The following IL1RAPL1 variants were observed in gnomAD, a reference collection of about 807,000 sequenced individuals.
IL1RAPL1 encodes interleukin 1 receptor accessory protein like 1, also known as interleukin-1 receptor accessory protein-like 1.
IL1RAPL1 carries 3 observed loss-of-function variants against 48.4 expected under a neutral mutation model. The ratio of observed to expected loss-of-function variants is 0.06; its 90% CI spans 0.03 to 0.16. The LOEUF (loss-of-function observed/expected upper bound fraction) is 0.16, where lower values mean the gene tolerates loss of function less well. IL1RAPL1 is among the 10% of genes least tolerant of loss of function. IL1RAPL1 has a pLI of 1.00. For synonymous variants in IL1RAPL1, 185 were observed against 187.7 expected (o/e 0.99, Z 0.12); for missense variants, 349 against 530.6 (o/e 0.66, Z 3.36).
intron 5 of IL1RAPL1, among the ~76,000 whole-genome samples, chrX:29,631,833 C>T (rs1385480905): frequency 9.0e-6 from 1 of 111,028 alleles, no homozygotes; most frequent in Non-Finnish European, 1.9e-5. Flanking sequence ...TTGATTACAG[C>T]TAATTGAATC....
At chrX:29,059,964 T>C (rs775536389) in intron 2 of IL1RAPL1, among the ~76,000 whole-genome samples, 16 of 111,970 alleles carry the variant, frequency 1.4e-4, no homozygotes, top group Non-Finnish European at 2.3e-4. Context: ...TGTGGAAATC[T>C]AGAAATGGTT....
At chrX:29,337,404 G>A (rs1228242940) in intron 3 of IL1RAPL1, among the ~76,000 whole-genome samples, 3 of 111,364 alleles carry the variant, frequency 2.7e-5, no homozygotes, top group African/African-American at 9.8e-5. Context: ...CTAATTTAAA[G>A]GGAAAAAAGA....
At chrX:29,378,984 A>G (rs1933659135) in intron 3 of IL1RAPL1, among the ~76,000 whole-genome samples, 1 of 112,610 alleles carries the variant, frequency 8.9e-6, no homozygotes, top group Non-Finnish European at 1.9e-5. Flanking sequence ...CCAGTCCATG[A>G]ACCCATGTGT....
intron 3 of IL1RAPL1, among the ~76,000 whole-genome samples, chrX:29,321,009 A>G (rs898440375): frequency 1.2e-4 from 13 of 111,155 alleles, no homozygotes; most frequent in African/African-American, 4.3e-4. Context: ...AAACTACATA[A>G]CGTCTGCAAA....
intron 6 of IL1RAPL1, among the ~76,000 whole-genome samples, chrX:29,706,917 T>A (rs1569150605): frequency 9.1e-6 from 1 of 110,293 alleles, no homozygotes; most frequent in Non-Finnish European, 1.9e-5. Context: ...AAAGCAAATG[T>A]AAAAAAAACA....
At chrX:29,424,186 T>C (rs1380087714) in intron 5 of IL1RAPL1, among the ~76,000 whole-genome samples, 1 of 110,835 alleles carries the variant, frequency 9.0e-6, no homozygotes, top group African/African-American at 3.3e-5. Context: ...AAATTAAAAA[T>C]AAAAATCCAG....
intron 6 of IL1RAPL1, among the ~76,000 whole-genome samples, chrX:29,718,541 T>C (rs1927546032): frequency 9.8e-6 from 1 of 102,425 alleles, no homozygotes; most frequent in Non-Finnish European, 2.0e-5. Context: ...ACCACCAGGG[T>C]ACATGTATAC....
intron 2 of IL1RAPL1, among the ~76,000 whole-genome samples, chrX:29,128,399 C>T (rs1419707383): frequency 4.5e-5 from 5 of 111,454 alleles, no homozygotes; most frequent in Admixed American, 1.9e-4. Context: ...TATTGAAGAA[C>T]GTGCCATATT....
At chrX:29,868,612 TAACA>T (rs749267203) in intron 6 of IL1RAPL1, among the ~76,000 whole-genome samples, 11 of 112,546 alleles carry the variant, frequency 9.8e-5, no homozygotes, top group African/African-American at 2.9e-4. Context: ...ACAAATCAGC[TAACA>T]AACAGACAGC....
chrX:29,578,685 T>G lies in IL1RAPL1; in HGVS notation c.704-89745T>G, dbSNP rs770737182. Reference sequence around the variant, plus strand: ...GTTCCCACCCTCAGCCCTCAAGAATTTCTTACTGTCTTTATTTCCTGCCAT... The same window carrying G: ...GTTCCCACCCTCAGCCCTCAAGAATGTCTTACTGTCTTTATTTCCTGCCAT... On this transcript the variant is annotated intron_variant, in intron 5 of 10. Coordinates refer to ENST00000378993, the MANE Select transcript of IL1RAPL1 (RefSeq NM_014271.4). Among the ~76,000 whole-genome samples the G allele has an allele frequency of 2.7e-5, 3 of 111,812 alleles. No homozygotes were observed. In the South Asian group the frequency reaches 1.1e-3, roughly 42 times the overall value.
intron 5 of IL1RAPL1, among the ~76,000 whole-genome samples, chrX:29,419,458 T>C (rs1449637425): frequency 9.1e-6 from 1 of 109,791 alleles, no homozygotes; most frequent in Non-Finnish European, 1.9e-5. Context: ...GTAGCTGGGA[T>C]TACAGGTGCC....
At chrX:29,616,977 G>A (rs999027452) in intron 5 of IL1RAPL1, among the ~76,000 whole-genome samples, 4 of 110,934 alleles carry the variant, frequency 3.6e-5, no homozygotes, top group African/African-American at 1.3e-4. Context: ...CAGGCACTAC[G>A]CTGTATTCTC....
chrX:29,157,878 A>C (rs1451273662), intron 2 of IL1RAPL1, among the ~76,000 whole-genome samples: 1 of 111,882 alleles, frequency 8.9e-6, no homozygotes, highest in African/African-American at 3.2e-5. Context: ...AATCACATTA[A>C]AAAATTTAGT....
intron 2 of IL1RAPL1, among the ~76,000 whole-genome samples, chrX:28,999,730 G>C (rs1267608269): frequency 9.0e-6 from 1 of 111,636 alleles, no homozygotes; most frequent in African/African-American, 3.3e-5. Context: ...CTGATAAACT[G>C]CTTACAATGT....
At chrX:28,891,018 C>A (rs748427380) in intron 2 of IL1RAPL1, among the ~76,000 whole-genome samples, 1 of 111,858 alleles carries the variant, frequency 8.9e-6, no homozygotes, top group Non-Finnish European at 1.9e-5. Flanking sequence ...GTATGTATAA[C>A]CAATTCAAAA....
chrX:29,469,115 G>A (rs951745469), intron 5 of IL1RAPL1, among the ~76,000 whole-genome samples: 3 of 112,112 alleles, frequency 2.7e-5, no homozygotes, highest in Non-Finnish European at 5.6e-5. Context: ...CTTTAGTCTT[G>A]TGCCAAATTT....
chrX:28,605,645 G>T (rs1221099499), intron 1 of IL1RAPL1, among the ~76,000 whole-genome samples: 1 of 112,124 alleles, frequency 8.9e-6, no homozygotes, highest in Non-Finnish European at 1.9e-5. Flanking sequence ...TTTGAAAATG[G>T]ACAGGTTGTG....
At chrX:29,670,799 T>A (rs767909315) in intron 6 of IL1RAPL1, among the ~76,000 whole-genome samples, 2 of 112,151 alleles carry the variant, frequency 1.8e-5, no homozygotes, top group Non-Finnish European at 3.8e-5. Flanking sequence ...CAAAATATGA[T>A]ATAAATCCTA....
intron 1 of IL1RAPL1, among the ~76,000 whole-genome samples, chrX:28,666,127 C>A (rs1934876169): frequency 9.0e-6 from 1 of 111,473 alleles, no homozygotes; most frequent in African/African-American, 3.3e-5. Flanking sequence ...TTTCTGGTCC[C>A]CACTAGGCTG....
Sources: gnomAD v4.1 joint callset for allele counts (sites outside exome capture counted in the v4.1 genomes callset) on GRCh38, gnomAD v4.1.1 for gene constraint, MANE v1.5 for transcripts, NCBI Gene and HGNC (gene_info 2026-07-23, HGNC 2026-07-21) for gene names.